The following CACNG5 variants were observed in gnomAD, a reference collection of about 807,000 sequenced individuals.
CACNG5 encodes the protein voltage-dependent calcium channel gamma-5 subunit.
CACNG5 carries 18 observed loss-of-function variants against 24.8 expected under a neutral mutation model. The ratio of observed to expected loss-of-function variants is 0.73; its 90% CI spans 0.50 to 1.08. CACNG5 has a LOEUF of 1.08. Among genes scored for constraint, CACNG5 ranks in the 50% least tolerant of loss-of-function variants. The probability of loss-of-function intolerance (pLI) is 0.00; values close to 1 mark genes in which losing one functional copy is unlikely to be tolerated. For missense variants in CACNG5, 349 were observed against 367.9 expected, an observed-to-expected ratio of 0.95 and a Z score of 0.42; for synonymous variants, 157 against 149.1, an observed-to-expected ratio of 1.05 and a Z score of -0.39.
At chr17:66,875,194 A>G (rs1426783154) in intron 1 of CACNG5, among the ~76,000 whole-genome samples, 1 of 152,156 alleles carries the variant, frequency 6.6e-6, no homozygotes, top group Admixed American at 6.5e-5. Flanking sequence ...CTGCAAGCAC[A>G]GGGCTTATAG....
In CACNG5 at chr17:66,863,270, A is replaced by G. The variant is rs117056930; in HGVS notation, c.-103-13960A>G. ...GAGAACAAAAGGCACATTAACTTCA[A>G]AGTAATTCTACATATAGTTCAAACC... On this transcript the variant is annotated intron_variant, in intron 1 of 5. Transcript: ENST00000533854. Among the ~76,000 whole-genome samples, 620 of 152,326 alleles carry G rather than the reference A, an allele frequency of 4.1e-3. 1 individual carries two copies. Among genetic ancestry groups the G allele is most frequent in the Non-Finnish European group, 6.0e-3 (407 of 68,034 alleles).
intron 1 of CACNG5, among the ~76,000 whole-genome samples, chr17:66,847,530 G>A (rs920228524): frequency 2.7e-5 from 4 of 147,854 alleles, no homozygotes; most frequent in Admixed American, 6.8e-5. Flanking sequence ...TCACGAGAAC[G>A]GCACGGGGAA....
chr17:66,850,599 T>TATACACACAC (rs150985584), intron 1 of CACNG5, among the ~76,000 whole-genome samples: 1 of 142,316 alleles, frequency 7.0e-6, no homozygotes, highest in Non-Finnish European at 1.5e-5. Context: ...CACAAATACA[T>TATACACACAC]ACACACACAC....
chr17:66,851,026 GC>G (rs1376235384), intron 1 of CACNG5, among the ~76,000 whole-genome samples: 1 of 151,966 alleles, frequency 6.6e-6, no homozygotes, highest in Non-Finnish European at 1.5e-5. Context: ...GTGGTCTTGG[GC>G]CCCCGCAAGG....
At chr17:66,848,448 C>T (rs1263898189) in intron 1 of CACNG5, among the ~76,000 whole-genome samples, 1 of 152,158 alleles carries the variant, frequency 6.6e-6, no homozygotes, top group Non-Finnish European at 1.5e-5. Flanking sequence ...TGGGGACAGT[C>T]CCAGGTATGG....
At position 66,880,679 on chromosome 17, in the gene CACNG5, A is replaced by G. The variant is rs1166885245; in HGVS notation, c.406A>G (p.Ile136Val). Residue 136 changes from isoleucine to valine, a missense_variant, in exon 4 of 6, where the codon ATC becomes GTC. Ile to Val is a conservative substitution (Grantham distance 29). Transcript: ENST00000533854. ...GACGATACTGGCCTTTGTCTCTGGC[A>G]TCTTCTTTATCCTCTCAGGTAAGTT... ...HRTILAFVSG[I>V]FFILSGLSLV... The G allele has an allele frequency of 3.1e-6, 5 of 1,614,074 alleles. No homozygotes were observed. The highest frequency in any genetic ancestry group is 2.7e-5 in the African/African-American group (2 of 74,938).
rs367925553 is a variant in CACNG5, at chr17:66,881,497, A to T, written c.424+800A>T. On this transcript the variant is annotated intron_variant, in intron 4 of 5. Transcript: ENST00000533854. ...ATAAACCCTCCTAGACCCCTTCAAC[A>T]TGGACTTGTCTTCCTGGACTGATGC... Among the ~76,000 whole-genome samples, 5 of 152,210 alleles carry T rather than the reference A, an allele frequency of 3.3e-5. No individual in the cohort carries two copies. In the East Asian group the frequency reaches 9.7e-4, roughly 29 times the overall value.
chr17:66,886,065 G>A lies in CACNG5; in HGVS notation c.*825G>A, dbSNP rs944196820. 5.3e-5 allele frequency among the ~76,000 whole-genome samples: 8 copies of A among 152,152 alleles called. No individual in the cohort carries two copies. Among genetic ancestry groups the A allele is most frequent in the Non-Finnish European group, 1.2e-4 (8 of 68,022 alleles). On this transcript the variant is annotated 3_prime_UTR_variant, in exon 6 of 6. Coordinates refer to ENST00000533854, the MANE Select transcript of CACNG5 (RefSeq NM_145811.3). ...TTCTGACAATGAGAATTTTAGAATC[G>A]GGCTGGTCTGAGTTCCTATTACCAG... is the stretch of plus-strand genomic sequence containing the variant.
intron 1 of CACNG5, among the ~76,000 whole-genome samples, chr17:66,836,442 T>A (rs888236587): frequency 6.6e-6 from 1 of 152,190 alleles, no homozygotes; most frequent in Non-Finnish European, 1.5e-5. Context: ...TGTGGGACCT[T>A]GATTGGCTCT....
chr17:66,884,988 C>G lies in CACNG5; in HGVS notation c.576C>G (p.Ala192=). Residue 192 remains alanine, a synonymous_variant, in exon 6 of 6, where the codon GCC becomes GCG. Coordinates refer to ENST00000533854, the MANE Select transcript of CACNG5 (RefSeq NM_145811.3). ...AAISFLLTES[A]GVMSVYLFMK... Reference sequence around the variant, plus strand: ...CTGCTGTCTTCTCCCTGTAGAGTGCCGGGGTGATGTCTGTGTACCTGTTTA... The same window carrying G: ...CTGCTGTCTTCTCCCTGTAGAGTGCGGGGGTGATGTCTGTGTACCTGTTTA... The G allele has an allele frequency of 3.1e-6, 5 of 1,614,060 alleles. No homozygotes were observed. Among genetic ancestry groups the G allele is most frequent in the Non-Finnish European group, 4.2e-6 (5 of 1,179,974 alleles).
At chr17:66,855,729 T>A (rs1976766740) in intron 1 of CACNG5, among the ~76,000 whole-genome samples, 1 of 152,310 alleles carries the variant, frequency 6.6e-6, no homozygotes, top group South Asian at 2.1e-4. Flanking sequence ...ACTCCTGGCC[T>A]CAGGTGATCT....
At chr17:66,839,992 C>A (rs192398848) in intron 1 of CACNG5, among the ~76,000 whole-genome samples, 1 of 152,310 alleles carries the variant, frequency 6.6e-6, no homozygotes, top group African/African-American at 2.4e-5. Flanking sequence ...ATGTGGACTT[C>A]GGAGCCACAC....
rs71160595 is a variant in CACNG5 at position 66,838,960 on chromosome 17, C to CTTTT, written c.-104+3726_-104+3729dup. On this transcript the variant is annotated intron_variant, in intron 1 of 5. Coordinates refer to ENST00000533854, the MANE Select transcript of CACNG5 (RefSeq NM_145811.3). ...GTAGCACCCCAGTCCCTCACCCATT[C>CTTTT]TTTTTTTTTTTTTTTTTTTGAGACA... 7.2e-3 allele frequency among the ~76,000 whole-genome samples: 632 copies of CTTTT among 88,080 alleles called. 43 individuals are homozygous for CTTTT. The highest frequency in any genetic ancestry group is 9.2e-3 in the Non-Finnish European group (434 of 47,286). The allele number at this position is 88,080 out of a possible 152,430, so 57.8% of individuals were successfully genotyped here. A position where few individuals can be genotyped will look rare whatever the true frequency, so the allele number is the denominator to read the frequency against.
In CACNG5 at chr17:66,880,743, T is replaced by C. The variant is rs1977147944; in HGVS notation, c.424+46T>C. The stretch of plus-strand genomic sequence containing the variant: ...TTCTTGCACCCTGGAATTTTTTGTT[T>C]TTTGTTTTTTGTTTTTGAGACAGAG... On this transcript the variant is annotated intron_variant, in intron 4 of 5. Coordinates refer to ENST00000533854, the MANE Select transcript of CACNG5 (RefSeq NM_145811.3). 4 of 1,601,014 alleles carry C rather than the reference T, an allele frequency of 2.5e-6. No individual in the cohort carries two copies. In the African/African-American group the frequency reaches 5.4e-5, roughly 22 times the overall value.
chr17:66,872,954 C>T (rs1335384866), intron 1 of CACNG5, among the ~76,000 whole-genome samples: 1 of 152,188 alleles, frequency 6.6e-6, no homozygotes, highest in Non-Finnish European at 1.5e-5. Context: ...TTTCCTTCTT[C>T]CCAACACTCT....
intron 1 of CACNG5, among the ~76,000 whole-genome samples, chr17:66,842,210 G>T (rs1444648557): frequency 6.6e-6 from 1 of 152,148 alleles, no homozygotes; most frequent in Non-Finnish European, 1.5e-5. Flanking sequence ...GCCTCTACCA[G>T]GCAAGGCAAG....
intron 1 of CACNG5, among the ~76,000 whole-genome samples, chr17:66,838,419 G>A (rs1376578117): frequency 6.6e-6 from 1 of 151,298 alleles, no homozygotes; most frequent in Non-Finnish European, 1.5e-5. Context: ...CAGAAGGGGG[G>A]ACAGAGGGGT....
At chr17:66,875,319 C>T (rs536019067) in intron 1 of CACNG5, among the ~76,000 whole-genome samples, 1 of 152,184 alleles carries the variant, frequency 6.6e-6, no homozygotes, top group South Asian at 2.1e-4. Context: ...TTCATTTCTC[C>T]CTCCTTTGTC....
chr17:66,854,195 C>T lies in CACNG5; in HGVS notation c.-104+18945C>T, dbSNP rs765832715. On this transcript the variant is annotated intron_variant, in intron 1 of 5. Coordinates refer to ENST00000533854, the MANE Select transcript of CACNG5 (RefSeq NM_145811.3). ...CTGTAATCTCAGCACTTTGGGAGGC[C>T]GAGGCGGGTGGATCACAAGGTCAGG... Among the ~76,000 whole-genome samples, 3 of 152,132 alleles carry T rather than the reference C, an allele frequency of 2.0e-5. No individual in the cohort carries two copies. The South Asian group carries it at 6.2e-4, about 32-fold the overall frequency.
Sources: gnomAD v4.1 joint callset for allele counts (sites outside exome capture counted in the v4.1 genomes callset) on GRCh38, gnomAD v4.1.1 for gene constraint, MANE v1.5 for transcripts, NCBI Gene and HGNC (gene_info 2026-07-23, HGNC 2026-07-21) for gene names.